NUMB: variants seen among roughly 807,000 people sequenced by gnomAD.
NUMB encodes NUMB endocytic adaptor protein.
Under a neutral mutation model 59.7 loss-of-function variants are expected in NUMB, and 29 were observed. That is an observed-to-expected ratio of 0.49 (90% CI 0.36 to 0.66). The LOEUF (loss-of-function observed/expected upper bound fraction) is 0.66. Ranked by LOEUF, NUMB falls within the 30% of genes least tolerant of loss-of-function variation. The probability of loss-of-function intolerance (pLI) is 0.00; values close to 1 mark genes in which losing one functional copy is unlikely to be tolerated. For missense variants in NUMB, 723 were observed against 822.0 expected (o/e 0.88, Z 1.47); for synonymous variants, 288 against 288.2 (o/e 1.00, Z 0.01).
At chr14:73,420,015 G>A (rs145142537) in intron 1 of NUMB, among the ~76,000 whole-genome samples, 20 of 152,286 alleles carry the variant, frequency 1.3e-4, no homozygotes, top group African/African-American at 4.8e-4. Context: ...ACAGGCACAT[G>A]CCACCATGCC....
intron 4 of NUMB, among the ~76,000 whole-genome samples, chr14:73,347,312 A>G (rs1892967882): frequency 6.6e-6 from 1 of 152,218 alleles, no homozygotes; most frequent in African/African-American, 2.4e-5. Context: ...ATATTTATAT[A>G]AGAAACTGTA....
intron 2 of NUMB, among the ~76,000 whole-genome samples, chr14:73,384,545 A>T (rs1895400865): frequency 1.3e-5 from 2 of 152,182 alleles, no homozygotes; most frequent in South Asian, 4.1e-4. Context: ...TACAAGAAAG[A>T]AGAAATACAT....
chr14:73,420,507 C>T (rs1370629284), intron 1 of NUMB, among the ~76,000 whole-genome samples: 1 of 151,886 alleles, frequency 6.6e-6, no homozygotes, highest in Non-Finnish European at 1.5e-5. Flanking sequence ...GGGGAAATTA[C>T]CACCAAAAAT....
chr14:73,367,348 T>TATAG lies in NUMB; in HGVS notation c.-100-368_-100-367insCTAT, dbSNP rs1555375287. Among the ~76,000 whole-genome samples, 678 of 105,278 alleles carry TATAG rather than the reference T, an allele frequency of 6.4e-3. 3 individuals carry two copies. Among genetic ancestry groups the TATAG allele is most frequent in the Middle Eastern group, 9.7e-3 (2 of 206 alleles). 69.1% of individuals were successfully genotyped at this position (105,278 alleles called of 152,430 possible). On this transcript the variant is annotated intron_variant, in intron 2 of 12. Coordinates refer to ENST00000555238, the MANE Select transcript of NUMB (RefSeq NM_001005743.2). The stretch of plus-strand genomic sequence containing the variant: ...ATATATACATATATATATATATATA[T>TATAG]AGAGAGAGAGAGAGAGAGAGAGAGA...
At position 73,366,210 on chromosome 14, in the gene NUMB, T is replaced by A. The variant is rs1356562593; in HGVS notation, c.-16+687A>T. Among the ~76,000 whole-genome samples, 3 of 152,320 alleles carry A rather than the reference T, an allele frequency of 2.0e-5. No individual in the cohort carries two copies. The East Asian group carries it at 5.8e-4, about 29-fold the overall frequency. On this transcript the variant is annotated intron_variant, in intron 3 of 12. Coordinates refer to ENST00000555238, the MANE Select transcript of NUMB (RefSeq NM_001005743.2). ...TGGTCCTATGTATGGCCCTTATATA[T>A]GTAAGGCTCTTGTACATGTGAGATC...
At chr14:73,447,554 T>C (rs1002235005) in intron 1 of NUMB, among the ~76,000 whole-genome samples, 2 of 150,100 alleles carry the variant, frequency 1.3e-5, no homozygotes, top group African/African-American at 4.9e-5. Flanking sequence ...AAATGAACAA[T>C]AGGCTGAGCA....
At chr14:73,391,472 A>T (rs74064624) in intron 2 of NUMB, among the ~76,000 whole-genome samples, 7,832 of 152,210 alleles carry the variant, frequency 0.051, 656 homozygotes, top group African/African-American at 0.18. Context: ...ATTTAATTAA[A>T]TAATTATTTT....
At chr14:73,430,429 G>A (rs1385242891) in intron 1 of NUMB, among the ~76,000 whole-genome samples, 2 of 151,690 alleles carry the variant, frequency 1.3e-5, no homozygotes, top group African/African-American at 2.4e-5. Flanking sequence ...CAGGAGTTCC[G>A]AGACCAGCCT....
chr14:73,429,110 G>A (rs1461349481), intron 1 of NUMB, among the ~76,000 whole-genome samples: 4 of 152,154 alleles, frequency 2.6e-5, no homozygotes, highest in Admixed American at 6.5e-5. Context: ...AGTGGCTCAC[G>A]CCTGTAATCC....
intron 2 of NUMB, among the ~76,000 whole-genome samples, chr14:73,378,006 CACACACACACACAT>C (rs1215281219): frequency 2.7e-5 from 4 of 149,058 alleles, no homozygotes; most frequent in East Asian, 1.9e-4. Context: ...CACACACACA[CACACACACACACAT>C]ACACACACAC....
chr14:73,399,942 G>A lies in NUMB; in HGVS notation c.-101+9995C>T, dbSNP rs574421423. ...TAATCCCAGCTACTCGGGAGGCTGA[G>A]GCAGGAGAATCGTTTGAACGCAGGA... On this transcript the variant is annotated intron_variant, in intron 2 of 12. Transcript: ENST00000555238. 3.3e-5 allele frequency among the ~76,000 whole-genome samples: 5 copies of A among 151,924 alleles called. 1 individual carries two copies. The South Asian group carries it at 1.0e-3, about 32-fold the overall frequency.
intron 8 of NUMB, among the ~76,000 whole-genome samples, chr14:73,287,565 A>G (rs1274455787): frequency 2.4e-4 from 37 of 151,754 alleles, no homozygotes; most frequent in Non-Finnish European, 7.4e-5. Context: ...TTTAGTAGAG[A>G]TGGGGTTTTG....
intron 2 of NUMB, among the ~76,000 whole-genome samples, chr14:73,378,951 T>C (rs912726213): frequency 4.6e-5 from 7 of 152,206 alleles, no homozygotes; most frequent in Non-Finnish European, 8.8e-5. Context: ...GTTGTGCCTA[T>C]ATTGGGGCAG....
At chr14:73,294,080 T>C (rs1339025783) in intron 7 of NUMB, among the ~76,000 whole-genome samples, 1 of 152,236 alleles carries the variant, frequency 6.6e-6, no homozygotes, top group African/African-American at 2.4e-5. Context: ...ATTGTGAATG[T>C]TGTATGTGGA....
chr14:73,323,221 A>G lies in NUMB; in HGVS notation c.127-17T>C, dbSNP rs146244009. 1.8e-4 allele frequency: 287 copies of G among 1,570,188 alleles called. No individual in the cohort carries two copies. In the African/African-American group the frequency reaches 3.6e-3, roughly 19 times the overall value. ...GCCAAGGTACTGTAGAAAGAAGGAA[A>G]AGTTAGGGCTATTGCTATGTTTACC... On this transcript the variant is annotated splice_polypyrimidine_tract_variant and intron_variant, in intron 4 of 12. Coordinates refer to ENST00000555238, the MANE Select transcript of NUMB (RefSeq NM_001005743.2).
chr14:73,377,137 GA>G (rs1894987605), intron 2 of NUMB, among the ~76,000 whole-genome samples: 1 of 152,148 alleles, frequency 6.6e-6, no homozygotes, highest in Non-Finnish European at 1.5e-5. Context: ...GCTCCTGGAA[GA>G]TAACATAGGA....
At chr14:73,429,059 C>T (rs571246796) in intron 1 of NUMB, among the ~76,000 whole-genome samples, 3 of 152,284 alleles carry the variant, frequency 2.0e-5, no homozygotes, top group East Asian at 1.9e-4. Context: ...TCCAATCCCT[C>T]GCAACCACTG....
intron 2 of NUMB, among the ~76,000 whole-genome samples, chr14:73,380,154 G>A (rs1749258766): frequency 6.6e-6 from 1 of 152,178 alleles, no homozygotes; most frequent in Non-Finnish European, 1.5e-5. Context: ...AGCTGCAACA[G>A]AAATTGCCAA....
chr14:73,340,233 T>A (rs1223858375), intron 4 of NUMB, among the ~76,000 whole-genome samples: 2 of 152,176 alleles, frequency 1.3e-5, no homozygotes, highest in African/African-American at 4.8e-5. Context: ...TTGAGAATAG[T>A]AGATTACGAA....
Sources: gnomAD v4.1 joint callset for allele counts (sites outside exome capture counted in the v4.1 genomes callset) on GRCh38, gnomAD v4.1.1 for gene constraint, MANE v1.5 for transcripts, NCBI Gene and HGNC (gene_info 2026-07-23, HGNC 2026-07-21) for gene names.